The following RBFOX1 variants were observed in gnomAD, a reference collection of about 807,000 sequenced individuals.
RBFOX1 encodes RNA binding fox-1 homolog 1.
A neutral mutation model predicts 57.7 loss-of-function variants in RBFOX1; 8 were observed. The observed-to-expected ratio is 0.14, with a 90% CI of 0.08 to 0.25. The LOEUF (loss-of-function observed/expected upper bound fraction) is 0.25, where lower values mean the gene tolerates loss of function less well. RBFOX1 is among the 10% of genes least tolerant of loss of function. The pLI is 1.00. For synonymous variants in RBFOX1, 326 were observed against 222.4 expected (o/e 1.47, Z -4.15); for missense variants, 611 against 548.5 (o/e 1.11, Z -1.14).
chr16:6,562,831 C>CT (rs779899531), intron 2 of RBFOX1, among the ~76,000 whole-genome samples: 3 of 88,354 alleles, frequency 3.4e-5, no homozygotes, highest in Non-Finnish European at 5.0e-5. Flanking sequence ...ATTCTTGATT[C>CT]TTTTCTTTCT....
intron 4 of RBFOX1, among the ~76,000 whole-genome samples, chr16:7,348,653 C>T (rs1324852753): frequency 6.6e-6 from 1 of 152,160 alleles, no homozygotes; most frequent in Non-Finnish European, 1.5e-5. Flanking sequence ...TACAGAATTA[C>T]ACAAAAGGCC....
chr16:6,372,073 G>A lies in RBFOX1; in HGVS notation c.-64+55016G>A, dbSNP rs557810005. ...GAAAGGATGGTTGGTTAGGATCATT[G>A]GGTAGGAGGGTGGATGGGTGGAGTG... is the stretch of plus-strand genomic sequence containing the variant. On this transcript the variant is annotated intron_variant, in intron 2 of 15. Transcript: ENST00000550418. Among the ~76,000 whole-genome samples the A allele has an allele frequency of 3.3e-5, 5 of 152,280 alleles. No individual in the cohort carries two copies. The East Asian group carries it at 9.7e-4, about 29-fold the overall frequency.
chr16:6,646,467 C>T (rs1272377312), intron 2 of RBFOX1, among the ~76,000 whole-genome samples: 3 of 152,132 alleles, frequency 2.0e-5, no homozygotes, highest in East Asian at 1.9e-4. Flanking sequence ...TCTTTTCTGT[C>T]GCTTGCGTGG....
chr16:7,231,463 A>G (rs1336900903), intron 4 of RBFOX1, among the ~76,000 whole-genome samples: 1 of 152,174 alleles, frequency 6.6e-6, no homozygotes. Flanking sequence ...CATCCTAACC[A>G]AACTTTTAAA....
rs747578482 is a variant in RBFOX1 at position 6,097,046 on chromosome 16, T to C, written c.-127+77054T>C. Among the ~76,000 whole-genome samples the C allele has an allele frequency of 6.6e-6, 1 of 152,158 alleles. No individual in the cohort carries two copies. The highest frequency in any genetic ancestry group is 1.5e-5 in the Non-Finnish European group (1 of 68,022). ...AGGGACTTCGTGGGAGATAACTGAATCATGGGGGTGGTTTCCCCCATACTG... is the reference window on the plus strand; with the variant it reads ...AGGGACTTCGTGGGAGATAACTGAACCATGGGGGTGGTTTCCCCCATACTG... On this transcript the variant is annotated intron_variant, in intron 1 of 15. Coordinates refer to ENST00000550418, the MANE Select transcript of RBFOX1 (RefSeq NM_018723.4). This position sits in a 1 kb window ranked among gnomAD's most constrained non-coding sequence, Gnocchi z 5.0.
intron 4 of RBFOX1, among the ~76,000 whole-genome samples, chr16:7,308,519 G>A (rs1263286789): frequency 6.6e-6 from 1 of 152,168 alleles, no homozygotes; most frequent in East Asian, 1.9e-4. Context: ...AGCCTCTAAA[G>A]TGGGCCATGC....
intron 14 of RBFOX1, among the ~76,000 whole-genome samples, chr16:7,683,033 T>TAA (rs56681152): frequency 3.1e-4 from 8 of 25,830 alleles, no homozygotes; most frequent in African/African-American, 4.6e-4. Context: ...TATATATATA[T>TAA]AAAACAGTGC....
chr16:5,614,901 C>A (rs1269031881), intron 3 of RBFOX1, among the ~76,000 whole-genome samples: 12 of 152,122 alleles, frequency 7.9e-5, no homozygotes, highest in Non-Finnish European at 1.2e-4. Flanking sequence ...AGGAAGAACA[C>A]AGGGAGGGTG....
rs186180913 is a variant in RBFOX1, at chr16:6,642,552, G to C, written c.-63-12051G>C. Among the ~76,000 whole-genome samples the C allele has an allele frequency of 2.0e-4, 31 of 151,936 alleles. No individual in the cohort carries two copies. The East Asian group carries it at 5.6e-3, about 28-fold the overall frequency. ...CCAGCTCTGCTTGTCTGCATGGCTA[G>C]ATTTTGAGATATGGAAGCCTCTTGT... On this transcript the variant is annotated intron_variant, in intron 2 of 15. Coordinates refer to ENST00000550418, the MANE Select transcript of RBFOX1 (RefSeq NM_018723.4).
intron 5 of RBFOX1, among the ~76,000 whole-genome samples, chr16:7,555,378 T>G (rs192654528): frequency 5.3e-4 from 81 of 152,284 alleles, no homozygotes; most frequent in Non-Finnish European, 3.7e-4. Context: ...CATGGTTTAG[T>G]TAATAGACAC....
intron 4 of RBFOX1, among the ~76,000 whole-genome samples, chr16:5,997,609 C>G (rs1026139996): frequency 6.6e-6 from 1 of 152,172 alleles, no homozygotes; most frequent in Non-Finnish European, 1.5e-5. Flanking sequence ...CATTGTGCCT[C>G]CTGGGTTGCA....
intron 3 of RBFOX1, among the ~76,000 whole-genome samples, chr16:5,826,554 G>T (rs2056062993): frequency 6.6e-6 from 1 of 152,206 alleles, no homozygotes; most frequent in African/African-American, 2.4e-5. Flanking sequence ...AAACAAATGG[G>T]TGTGGTTGTG....
chr16:7,507,053 T>G (rs1039944703), intron 4 of RBFOX1, among the ~76,000 whole-genome samples: 1 of 152,202 alleles, frequency 6.6e-6, no homozygotes, highest in African/African-American at 2.4e-5. Flanking sequence ...CTATTTATAT[T>G]TTATGAATAA....
rs1386961493 is a variant in RBFOX1 at position 6,292,449 on chromosome 16, A to G, written c.-126-24546A>G. ...AGTAGTTCTAAGAGTTTACCAAGAA[A>G]TTAAAGTTCTTCAATAATTCAGTGT... is the stretch of plus-strand genomic sequence containing the variant. On this transcript the variant is annotated intron_variant, in intron 1 of 15. Coordinates refer to ENST00000550418, the MANE Select transcript of RBFOX1 (RefSeq NM_018723.4). Among the ~76,000 whole-genome samples the G allele has an allele frequency of 2.6e-5, 4 of 152,140 alleles. No individual in the cohort carries two copies. In the East Asian group the frequency reaches 5.8e-4, roughly 22 times the overall value.
chr16:5,643,402 G>C (rs1212015661), intron 3 of RBFOX1, among the ~76,000 whole-genome samples: 1 of 152,094 alleles, frequency 6.6e-6, no homozygotes, highest in Non-Finnish European at 1.5e-5. Context: ...GCTTCATTGT[G>C]GGTGGACTTG....
At chr16:7,690,435 T>C (rs916478735) in intron 14 of RBFOX1, among the ~76,000 whole-genome samples, 26 of 152,132 alleles carry the variant, frequency 1.7e-4, no homozygotes, top group African/African-American at 6.0e-4. Flanking sequence ...GCACCAATTA[T>C]TTACAATGTG....
intron 2 of RBFOX1, among the ~76,000 whole-genome samples, chr16:6,568,118 A>T (rs1283684798): frequency 6.6e-6 from 1 of 152,180 alleles, no homozygotes; most frequent in Non-Finnish European, 1.5e-5. Context: ...TGTATTAGTT[A>T]TCTAATACCA....
chr16:6,717,008 C>T (rs2064963162), intron 3 of RBFOX1, among the ~76,000 whole-genome samples: 1 of 152,160 alleles, frequency 6.6e-6, no homozygotes, highest in Non-Finnish European at 1.5e-5. Context: ...GAAGAGCTTG[C>T]TTTCTCTCTT....
At chr16:7,380,517 A>T (rs1022575072) in intron 4 of RBFOX1, among the ~76,000 whole-genome samples, 4 of 152,184 alleles carry the variant, frequency 2.6e-5, no homozygotes, top group Non-Finnish European at 4.4e-5. Flanking sequence ...ATCATCTTTC[A>T]GTGTACTGTA....
Sources: allele counts gnomAD v4.1 joint callset (sites outside exome capture counted in the v4.1 genomes callset), GRCh38; gene constraint gnomAD v4.1.1; non-coding constraint Gnocchi (gnomAD v3.1); transcripts MANE v1.5; gene names NCBI Gene and HGNC (gene_info 2026-07-23, HGNC 2026-07-21).